Variants in CHST8 observed in about 807,000 individuals in gnomAD.
The protein encoded by CHST8 is carbohydrate sulfotransferase 8.
In CHST8, 10 loss-of-function variants were observed where a neutral mutation model predicts 15.0. The ratio of observed to expected loss-of-function variants is 0.67; its 90% CI spans 0.41 to 1.13. The LOEUF is 1.13. Ranked by LOEUF, CHST8 falls within the 50% of genes most tolerant of loss-of-function variation. The pLI is 0.00. For synonymous variants in CHST8, 259 were observed against 256.6 expected (o/e 1.01, Z -0.09); for missense variants, 634 against 608.2 (o/e 1.04, Z -0.45).
chr19:33,725,014 G>A (rs548938570), intron 3 of CHST8, among the ~76,000 whole-genome samples: 2 of 152,140 alleles, frequency 1.3e-5, no homozygotes, highest in East Asian at 1.9e-4. Context: ...CATCGGCAGC[G>A]CACAGCTGTC....
intron 3 of CHST8, among the ~76,000 whole-genome samples, chr19:33,728,421 C>T (rs1973940780): frequency 6.6e-6 from 1 of 152,194 alleles, no homozygotes; most frequent in African/African-American, 2.4e-5. Context: ...CATGTCACAC[C>T]CCTCAACAGT....
At chr19:33,640,131 T>G (rs1205992348) in intron 1 of CHST8, among the ~76,000 whole-genome samples, 1 of 152,210 alleles carries the variant, frequency 6.6e-6, no homozygotes, top group Admixed American at 6.5e-5. Flanking sequence ...CGTAAGCCAC[T>G]GCGCCCAGCA....
intron 3 of CHST8, among the ~76,000 whole-genome samples, chr19:33,691,374 G>C (rs1344000489): frequency 2.0e-5 from 3 of 152,226 alleles, no homozygotes; most frequent in African/African-American, 7.2e-5. Context: ...CGTGCCAGGT[G>C]ATGGGCAGAC....
At chr19:33,769,786 C>T (rs988226359) in intron 3 of CHST8, among the ~76,000 whole-genome samples, 1 of 152,102 alleles carries the variant, frequency 6.6e-6, no homozygotes, top group Admixed American at 6.5e-5. Flanking sequence ...TCTAGAAGGC[C>T]TGTTTCAAAG....
chr19:33,731,559 A>G (rs1973992477), intron 3 of CHST8, among the ~76,000 whole-genome samples: 1 of 152,198 alleles, frequency 6.6e-6, no homozygotes, highest in South Asian at 2.1e-4. Context: ...CTGCTTTATC[A>G]GCAAGGTCTT....
At chr19:33,770,677 T>C (rs928200387) in intron 3 of CHST8, among the ~76,000 whole-genome samples, 5 of 152,306 alleles carry the variant, frequency 3.3e-5, no homozygotes, top group African/African-American at 1.2e-4. Flanking sequence ...AGCATGGCCA[T>C]TGATGCACTG....
rs114475873 is a variant in CHST8 at position 33,769,915 on chromosome 19, G to A, written c.131-1498G>A. 5.6e-3 allele frequency among the ~76,000 whole-genome samples: 855 copies of A among 152,286 alleles called. 5 individuals are homozygous for A. The highest frequency in any genetic ancestry group is 0.019 in the African/African-American group (791 of 41,552). ...TCCCAGCCCAAAGGGACAAGCGGAA[G>A]AAAGATGAAATGTGTCCCAGTTCTG... On this transcript the variant is annotated intron_variant, in intron 3 of 4. Transcript: ENST00000650847.
chr19:33,701,111 G>T (rs1389901552), intron 3 of CHST8, among the ~76,000 whole-genome samples: 1 of 152,118 alleles, frequency 6.6e-6, no homozygotes, highest in Non-Finnish European at 1.5e-5. Context: ...TCCCTGGGAG[G>T]CCCTGATTTG....
At chr19:33,641,919 A>G (rs1972289384) in intron 1 of CHST8, among the ~76,000 whole-genome samples, 1 of 152,226 alleles carries the variant, frequency 6.6e-6, no homozygotes, top group Non-Finnish European at 1.5e-5. Context: ...TTCAGAATTT[A>G]AAACCAAAGT....
Position 33,657,158 on chromosome 19 carries a change from A to C in CHST8, c.-163-10609A>C, listed in dbSNP as rs150302534. On this transcript the variant is annotated intron_variant, in intron 1 of 4. Coordinates refer to ENST00000650847, the MANE Select transcript of CHST8 (RefSeq NM_001127895.2). ...ACACACACACACACACACACACACA[A>C]ACACACATATACTTATACACACATA... Among the ~76,000 whole-genome samples, 46 of 113,770 alleles carry C rather than the reference A, an allele frequency of 4.0e-4. No individual in the cohort carries two copies. In the South Asian group the frequency reaches 5.0e-3, roughly 12 times the overall value. 74.6% of individuals were successfully genotyped at this position (113,770 alleles called of 152,430 possible). A position where few individuals can be genotyped will look rare whatever the true frequency, so the allele number is the denominator to read the frequency against.
At chr19:33,692,639 C>T (rs1461463812) in intron 3 of CHST8, among the ~76,000 whole-genome samples, 1 of 152,186 alleles carries the variant, frequency 6.6e-6, no homozygotes, top group Non-Finnish European at 1.5e-5. Context: ...GAGGTCGAGA[C>T]TGCAGTGAGC....
At chr19:33,627,926 C>T (rs1449475483) in intron 1 of CHST8, among the ~76,000 whole-genome samples, 5 of 152,138 alleles carry the variant, frequency 3.3e-5, no homozygotes, top group Non-Finnish European at 5.9e-5. Flanking sequence ...CATTTTCTGC[C>T]AGACAAAGAC....
chr19:33,772,406 G>A lies in CHST8; in HGVS notation c.618G>A (p.Lys206=), dbSNP rs545341954. Residue 206 remains lysine (K), a synonymous_variant, in exon 5 of 5, where the codon AAG becomes AAA. Transcript: ENST00000650847. ...CCAAGGCCGGCTGCTCCAATTGGAAGCGGGTGCTCATGGTGCTGGCCGGCC... is the reference window on the plus strand; with the variant it reads ...CCAAGGCCGGCTGCTCCAATTGGAAACGGGTGCTCATGGTGCTGGCCGGCC... ...EVPKAGCSNW[K]RVLMVLAGLA... is the part of the protein sequence containing the mutation. 2 of 1,610,192 alleles carry A rather than the reference G, an allele frequency of 1.2e-6. No homozygotes were observed. Among genetic ancestry groups the A allele is most frequent in the African/African-American group, 2.7e-5 (2 of 75,064 alleles).
At chr19:33,668,076 G>A (rs116475867) in intron 2 of CHST8, among the ~76,000 whole-genome samples, 6 of 152,260 alleles carry the variant, frequency 3.9e-5, no homozygotes, top group Admixed American at 6.5e-5. Context: ...GAGTGAATGC[G>A]TCAGACAGCA....
intron 3 of CHST8, among the ~76,000 whole-genome samples, chr19:33,739,398 G>A (rs1338571239): frequency 3.9e-5 from 6 of 152,174 alleles, no homozygotes; most frequent in African/African-American, 1.4e-4. Flanking sequence ...CTTCATCAGG[G>A]CTGAGTGGCC....
intron 3 of CHST8, among the ~76,000 whole-genome samples, chr19:33,741,630 C>G (rs1475771021): frequency 6.6e-6 from 1 of 151,860 alleles, no homozygotes; most frequent in Non-Finnish European, 1.5e-5. Context: ...TAGGACTGGA[C>G]TGGTGAAATT....
At chr19:33,705,571 C>A (rs968005687) in intron 3 of CHST8, among the ~76,000 whole-genome samples, 8 of 152,210 alleles carry the variant, frequency 5.3e-5, no homozygotes, top group African/African-American at 1.4e-4. Flanking sequence ...AGCTTTCCTG[C>A]GAGTGGGCAC....
intron 2 of CHST8, among the ~76,000 whole-genome samples, chr19:33,687,127 G>A (rs1972995059): frequency 6.6e-6 from 1 of 152,254 alleles, no homozygotes; most frequent in Non-Finnish European, 1.5e-5. Flanking sequence ...CTCTCCTGAG[G>A]CTTTGGGGCT....
intron 2 of CHST8, among the ~76,000 whole-genome samples, chr19:33,677,654 A>G (rs1972827478): frequency 6.6e-6 from 1 of 152,156 alleles, no homozygotes; most frequent in African/African-American, 2.4e-5. Context: ...CTGGCTGGGA[A>G]AACAGGAGCC....
Sources: gnomAD v4.1 joint callset for allele counts (sites outside exome capture counted in the v4.1 genomes callset) on GRCh38, gnomAD v4.1.1 for gene constraint, MANE v1.5 for transcripts, NCBI Gene and HGNC (gene_info 2026-07-23, HGNC 2026-07-21) for gene names.